CNTN6: variants seen among roughly 807,000 people sequenced by gnomAD.
The protein encoded by CNTN6 is contactin-6.
In CNTN6, 137 loss-of-function variants were observed where a neutral mutation model predicts 122.8. The ratio of observed to expected loss-of-function variants is 1.12; its 90% CI spans 0.97 to 1.29. The LOEUF (loss-of-function observed/expected upper bound fraction) is 1.29. CNTN6 is among the 50% of genes most tolerant of loss of function. The pLI, the probability that CNTN6 is intolerant of heterozygous loss-of-function variation, is 0.00. For synonymous variants in CNTN6, 570 were observed against 426.0 expected, an observed-to-expected ratio of 1.34 and a Z score of -4.16; for missense variants, 1,634 against 1,223.4, an observed-to-expected ratio of 1.34 and a Z score of -5.01.
chr3:1,267,535 A>G (rs887614739), intron 4 of CNTN6, among the ~76,000 whole-genome samples: 1 of 152,188 alleles, frequency 6.6e-6, no homozygotes, highest in Non-Finnish European at 1.5e-5. Context: ...GTACACCTCT[A>G]TAGCTCTTAG....
intron 1 of CNTN6, among the ~76,000 whole-genome samples, chr3:1,130,388 C>T (rs541185699): frequency 3.3e-5 from 5 of 152,186 alleles, no homozygotes; most frequent in South Asian, 2.1e-4. Flanking sequence ...GCCTAGGAAG[C>T]GTGCTTTCCT....
chr3:1,193,785 C>A (rs1379989569), intron 2 of CNTN6, among the ~76,000 whole-genome samples: 1 of 152,124 alleles, frequency 6.6e-6, no homozygotes, highest in African/African-American at 2.4e-5. Context: ...AGATTTCAAT[C>A]ATCATTGCCT....
chr3:1,215,318 A>T (rs2125496724), intron 2 of CNTN6, among the ~76,000 whole-genome samples: 1 of 152,300 alleles, frequency 6.6e-6, no homozygotes, highest in Non-Finnish European at 1.5e-5. Context: ...CTAATCCATT[A>T]CCTTCTCCTC....
chr3:1,289,551 C>G (rs1002758428), intron 5 of CNTN6, among the ~76,000 whole-genome samples: 1 of 152,178 alleles, frequency 6.6e-6, no homozygotes, highest in Non-Finnish European at 1.5e-5. Context: ...TCTCCAGACT[C>G]CAACACACCA....
intron 11 of CNTN6, among the ~76,000 whole-genome samples, chr3:1,348,176 A>AAAAAAAAAAAAAAAAAAAAATG (rs1559888957): frequency 6.7e-6 from 1 of 149,960 alleles, no homozygotes; most frequent in African/African-American, 2.4e-5. Flanking sequence ...AAAAAAAAAA[A>AAAAAAAAAAAAAAAAAAAAATG]GGACTTGGGC....
chr3:1,159,629 TA>T lies in CNTN6; in HGVS notation c.55+11571del, dbSNP rs1480885860. Reference sequence around the variant, plus strand: ...ATTAATTTTATTTCTTTTTATCTTATAAAAATAAATACCTTAATATATTTAT... The same window carrying T: ...ATTAATTTTATTTCTTTTTATCTTATAAAATAAATACCTTAATATATTTAT... On this transcript the variant is annotated intron_variant, in intron 2 of 22. Transcript: ENST00000446702. Among the ~76,000 whole-genome samples the T allele has an allele frequency of 7.9e-5, 12 of 151,852 alleles. No homozygotes were observed. The East Asian group carries it at 2.1e-3, about 27-fold the overall frequency.
At chr3:1,111,554 CCAAA>C (rs2091481073) in intron 1 of CNTN6, among the ~76,000 whole-genome samples, 2 of 152,016 alleles carry the variant, frequency 1.3e-5, no homozygotes, top group African/African-American at 4.8e-5. Context: ...TTCTTAATTC[CCAAA>C]CAGAGCACCA....
At chr3:1,381,594 C>G (rs908490414) in intron 17 of CNTN6, among the ~76,000 whole-genome samples, 3 of 152,200 alleles carry the variant, frequency 2.0e-5, no homozygotes, top group Non-Finnish European at 2.9e-5. Context: ...AACAACCCCT[C>G]TGCTGATCCA....
intron 11 of CNTN6, among the ~76,000 whole-genome samples, chr3:1,347,362 A>G (rs1704890619): frequency 6.6e-6 from 1 of 152,162 alleles, no homozygotes; most frequent in South Asian, 2.1e-4. Context: ...AAATTTTTCT[A>G]TTTAATTGTG....
chr3:1,103,402 C>G (rs528256879), intron 1 of CNTN6, among the ~76,000 whole-genome samples: 3 of 152,222 alleles, frequency 2.0e-5, no homozygotes, highest in African/African-American at 7.2e-5. Context: ...GCCGACTTTC[C>G]TTTTTTGTTG....
intron 5 of CNTN6, among the ~76,000 whole-genome samples, chr3:1,282,381 A>G (rs1388810038): frequency 1.3e-5 from 2 of 152,322 alleles, no homozygotes; most frequent in South Asian, 2.1e-4. Context: ...AAAATAACCT[A>G]AGCAATAATG....
chr3:1,180,213 AAG>A (rs983486840), intron 2 of CNTN6, among the ~76,000 whole-genome samples: 1 of 152,038 alleles, frequency 6.6e-6, no homozygotes, highest in Non-Finnish European at 1.5e-5. Context: ...GAGAAGGAGA[AAG>A]AGAGAGAGAG....
intron 4 of CNTN6, among the ~76,000 whole-genome samples, chr3:1,257,852 G>C (rs2094784704): frequency 6.6e-6 from 1 of 152,182 alleles, no homozygotes; most frequent in Admixed American, 6.6e-5. Flanking sequence ...GCACTGCCTA[G>C]ATACTAATGG....
At chr3:1,244,296 AC>A (rs1004574535) in intron 4 of CNTN6, among the ~76,000 whole-genome samples, 5 of 152,150 alleles carry the variant, frequency 3.3e-5, no homozygotes, top group African/African-American at 1.2e-4. Context: ...GCGTAGAGAC[AC>A]GGAGGGAAGG....
At chr3:1,395,684 T>C (rs929815627) in intron 20 of CNTN6, among the ~76,000 whole-genome samples, 1 of 152,174 alleles carries the variant, frequency 6.6e-6, no homozygotes, top group Non-Finnish European at 1.5e-5. Flanking sequence ...TCCTTTTCCA[T>C]ATAAAGTAAT....
chr3:1,300,358 T>C (rs1231769532), intron 7 of CNTN6, among the ~76,000 whole-genome samples: 1 of 151,498 alleles, frequency 6.6e-6, no homozygotes, highest in Non-Finnish European at 1.5e-5. Flanking sequence ...TCAGAGGGGG[T>C]ATGAATTCTC....
chr3:1,393,501 T>A (rs1435531957), intron 20 of CNTN6, among the ~76,000 whole-genome samples: 7 of 144,282 alleles, frequency 4.9e-5, no homozygotes, highest in Non-Finnish European at 1.0e-4. Flanking sequence ...GGCACATGTA[T>A]ACATATGTAA....
intron 12 of CNTN6, among the ~76,000 whole-genome samples, chr3:1,359,643 C>A (rs547854916): frequency 1.3e-5 from 2 of 152,026 alleles, no homozygotes; most frequent in Non-Finnish European, 2.9e-5. Context: ...TGTAGATACA[C>A]GTGTGAGCAG....
At chr3:1,223,472 T>C (rs1425859323) in intron 3 of CNTN6, among the ~76,000 whole-genome samples, 5 of 152,162 alleles carry the variant, frequency 3.3e-5, no homozygotes. Context: ...CCCTTTATTC[T>C]TTCAAAGATC....
Sources: allele counts gnomAD v4.1 joint callset (sites outside exome capture counted in the v4.1 genomes callset), GRCh38; gene constraint gnomAD v4.1.1; transcripts MANE v1.5; gene names NCBI Gene and HGNC (gene_info 2026-07-23, HGNC 2026-07-21).